Variants in SNX29 observed in about 807,000 individuals in gnomAD.
The protein encoded by SNX29 is sorting nexin-29.
SNX29 carries 78 observed loss-of-function variants against 102.1 expected under a neutral mutation model. The observed-to-expected ratio is 0.76, with a 90% CI of 0.64 to 0.92. The LOEUF (loss-of-function observed/expected upper bound fraction) is 0.92. Ranked by LOEUF, SNX29 falls within the 40% of genes least tolerant of loss-of-function variation. The probability of loss-of-function intolerance (pLI) is 0.00; values close to 1 mark genes in which losing one functional copy is unlikely to be tolerated. For synonymous variants in SNX29, 580 were observed against 414.5 expected (o/e 1.40, Z -4.85); for missense variants, 1,280 against 1,061.7 (o/e 1.21, Z -2.86).
chr16:12,404,347 C>T (rs1175948547), intron 18 of SNX29, among the ~76,000 whole-genome samples: 1 of 152,150 alleles, frequency 6.6e-6, no homozygotes, highest in Non-Finnish European at 1.5e-5. Flanking sequence ...TCCGTCTCCT[C>T]TCTGATTTTC....
chr16:12,014,296 A>G (rs961443367), intron 3 of SNX29, among the ~76,000 whole-genome samples: 1 of 152,026 alleles, frequency 6.6e-6, no homozygotes, highest in Non-Finnish European at 1.5e-5. Context: ...CCTGCAGCAG[A>G]TTCCTTCTCA....
chr16:12,398,642 A>C (rs1215788620), intron 17 of SNX29, 141 bp downstream of exon 17: 1 of 913,870 alleles, frequency 1.1e-6, no homozygotes, highest in Non-Finnish European at 1.8e-6. Context: ...TAGAGCTGGT[A>C]GGAGTCGCTC....
At chr16:12,543,848 C>T (rs191558748) in intron 20 of SNX29, among the ~76,000 whole-genome samples, 3 of 152,206 alleles carry the variant, frequency 2.0e-5, no homozygotes, top group Non-Finnish European at 4.4e-5. Flanking sequence ...AAGAGAGAAG[C>T]CAGTGGTGGA....
In SNX29 at chr16:12,569,377, A is replaced by C. The variant is rs1176246343; in HGVS notation, c.*748A>C. The C allele has an allele frequency of 4.3e-5, 10 of 230,534 alleles. No homozygotes were observed. The highest frequency in any genetic ancestry group is 3.1e-4 in the East Asian group (5 of 16,264). 14.3% of individuals were successfully genotyped at this position (230,534 alleles called of 1,614,324 possible). ...CCAGGCTTGGAGTGGGGGGACTCAG[A>C]CATCTGGCCCAGCCATCAGCAGCAA... On this transcript the variant is annotated 3_prime_UTR_variant, in exon 21 of 21. Transcript: ENST00000566228.
chr16:12,536,467 G>GTTTAC (rs901731159), intron 20 of SNX29, among the ~76,000 whole-genome samples: 1 of 152,098 alleles, frequency 6.6e-6, no homozygotes, highest in African/African-American at 2.4e-5. Context: ...AGGCTATGCC[G>GTTTAC]TTTACTTTAT....
chr16:12,208,505 C>T (rs1409785785), intron 14 of SNX29, among the ~76,000 whole-genome samples: 10 of 152,188 alleles, frequency 6.6e-5, no homozygotes. Flanking sequence ...TACTGAGTCA[C>T]TTGGCTGGGT....
rs149349989 is a variant in SNX29, at chr16:11,983,994, T to C, written c.7+7181T>C. Among the ~76,000 whole-genome samples, 551 of 152,334 alleles carry C rather than the reference T, an allele frequency of 3.6e-3. 3 individuals carry two copies. Among genetic ancestry groups the C allele is most frequent in the Non-Finnish European group, 6.5e-3 (443 of 68,026 alleles). ...ACAGATGTACATTGTATCTGTGGTA[T>C]TACTTTTTCATGGAGGGGATGATTA... On this transcript the variant is annotated intron_variant, in intron 1 of 20. Coordinates refer to ENST00000566228, the MANE Select transcript of SNX29 (RefSeq NM_032167.5).
At chr16:12,067,952 C>G (rs548179503) in intron 9 of SNX29, among the ~76,000 whole-genome samples, 1 of 152,258 alleles carries the variant, frequency 6.6e-6, no homozygotes, top group East Asian at 1.9e-4. Context: ...CTACTTATGG[C>G]CCCAGCTCTT....
rs112433498 is a variant in SNX29, at chr16:12,152,375, G to A, written c.1595+22617G>A. On this transcript the variant is annotated intron_variant, in intron 13 of 20. Transcript: ENST00000566228. Reference sequence around the variant, plus strand: ...AGGTAACTGGTTTACAGATTGGGAAGATGGGACACCTGCAGATGGTCATTT... The same window carrying A: ...AGGTAACTGGTTTACAGATTGGGAAAATGGGACACCTGCAGATGGTCATTT... 4.8e-3 allele frequency among the ~76,000 whole-genome samples: 734 copies of A among 152,330 alleles called. 3 individuals carry two copies. The highest frequency in any genetic ancestry group is 7.3e-3 in the Non-Finnish European group (497 of 68,028).
At chr16:12,257,609 A>G (rs2078613083) in intron 14 of SNX29, among the ~76,000 whole-genome samples, 2 of 152,208 alleles carry the variant, frequency 1.3e-5, no homozygotes, top group South Asian at 4.2e-4. Context: ...CTTGGGATCA[A>G]GCGATCCTCC....
intron 19 of SNX29, among the ~76,000 whole-genome samples, chr16:12,490,147 AT>A (rs1343518900): frequency 1.3e-5 from 2 of 152,150 alleles, no homozygotes; most frequent in East Asian, 3.9e-4. Flanking sequence ...CATACCTCCA[AT>A]TTTAAGGTAC....
chr16:12,460,061 T>G (rs776433640), intron 18 of SNX29, among the ~76,000 whole-genome samples: 1 of 152,188 alleles, frequency 6.6e-6, no homozygotes, highest in Non-Finnish European at 1.5e-5. Flanking sequence ...AAAGCATAGT[T>G]AGCTGTGGCA....
intron 14 of SNX29, among the ~76,000 whole-genome samples, chr16:12,236,499 A>G (rs770963450): frequency 6.6e-5 from 10 of 152,164 alleles, no homozygotes; most frequent in Non-Finnish European, 1.5e-4. Flanking sequence ...TTTTCCCACT[A>G]CGTCTTCTCT....
At chr16:12,015,465 C>T (rs970061600) in intron 3 of SNX29, among the ~76,000 whole-genome samples, 1 of 151,914 alleles carries the variant, frequency 6.6e-6, no homozygotes, top group Non-Finnish European at 1.5e-5. Flanking sequence ...GTCTTGATCT[C>T]CTGACCTCGT....
chr16:12,434,285 A>G (rs1396808737), intron 18 of SNX29, among the ~76,000 whole-genome samples: 1 of 152,196 alleles, frequency 6.6e-6, no homozygotes, highest in Non-Finnish European at 1.5e-5. Flanking sequence ...ACAAAGTAGT[A>G]AGCTCTCAGT....
chr16:12,538,239 C>A (rs553597511), intron 20 of SNX29, among the ~76,000 whole-genome samples: 4 of 152,170 alleles, frequency 2.6e-5, no homozygotes, highest in African/African-American at 9.6e-5. Context: ...CCTCAGTCTC[C>A]CTAGTAGCTG....
At chr16:12,162,865 C>T (rs567031345) in intron 13 of SNX29, among the ~76,000 whole-genome samples, 1 of 152,174 alleles carries the variant, frequency 6.6e-6, no homozygotes, top group South Asian at 2.1e-4. Context: ...GTGTTTATCA[C>T]ACAACATAGT....
intron 11 of SNX29, among the ~76,000 whole-genome samples, chr16:12,080,386 G>A (rs528766501): frequency 1.3e-5 from 2 of 152,252 alleles, no homozygotes; most frequent in African/African-American, 4.8e-5. Flanking sequence ...TTACTGTGGC[G>A]CTGCTCAGCC....
rs200997061 is a variant in SNX29 at position 12,261,421 on chromosome 16, AGCTCCGGTCTGT to A, written c.1679-16509_1679-16498del. Among the ~76,000 whole-genome samples, 242 of 116,726 alleles carry A rather than the reference AGCTCCGGTCTGT, an allele frequency of 2.1e-3. 7 individuals carry two copies. In the Admixed American group the frequency reaches 0.021, roughly 10 times the overall value. 76.6% of individuals were successfully genotyped at this position (116,726 alleles called of 152,430 possible). On this transcript the variant is annotated intron_variant, in intron 14 of 20. Coordinates refer to ENST00000566228, the MANE Select transcript of SNX29 (RefSeq NM_032167.5). The stretch of plus-strand genomic sequence containing the variant: ...CCGGCTGGAGTAAGTGTTTGCTCTG[AGCTCCGGTCTGT>A]GCACGTGTCCCCCGCTGGAGTGAGT...
Sources: allele counts gnomAD v4.1 joint callset (sites outside exome capture counted in the v4.1 genomes callset), GRCh38; gene constraint gnomAD v4.1.1; transcripts MANE v1.5; gene names NCBI Gene and HGNC (gene_info 2026-07-23, HGNC 2026-07-21).